Variants in VWF observed in about 807,000 individuals in gnomAD.
VWF encodes von Willebrand factor.
VWF carries 176 observed loss-of-function variants against 308.6 expected under a neutral mutation model. That is an observed-to-expected ratio of 0.57 (90% CI 0.50 to 0.65). The LOEUF is 0.65. Ranked by LOEUF, VWF falls within the 30% of genes least tolerant of loss-of-function variation. The pLI, the probability that VWF is intolerant of heterozygous loss-of-function variation, is 0.00. For missense variants in VWF, 3,146 were observed against 3,648.2 expected (o/e 0.86, Z 3.55); for synonymous variants, 1,385 against 1,443.4 (o/e 0.96, Z 0.92).
At chr12:6,081,521 G>A (rs1283993622) in intron 6 of VWF, among the ~76,000 whole-genome samples, 2 of 152,066 alleles carry the variant, frequency 1.3e-5, no homozygotes, top group Non-Finnish European at 2.9e-5. Context: ...TGTATTTTTA[G>A]TACAGACGGA....
rs760130928 is a variant in VWF, at chr12:6,075,428, G to GC, written c.780dup (p.Leu261AlafsTer42). The GC allele has an allele frequency of 6.2e-7, 1 of 1,614,140 alleles. No homozygotes were observed. The highest frequency in any genetic ancestry group is 8.5e-7 in the Non-Finnish European group (1 of 1,180,020). On this transcript the variant is annotated frameshift_variant, in exon 7 of 52. Transcript: ENST00000261405. LOFTEE classifies it high-confidence loss of function. This position sits in a 1 kb window ranked among gnomAD's most constrained non-coding sequence, Gnocchi z 4.7. ...AGGAGGGCAGGGCAGGCGCACTCCA[G>GC]CCCCCCAGCACACTCACACAAAGTC...
intron 6 of VWF, among the ~76,000 whole-genome samples, chr12:6,092,618 A>T (rs28853276): frequency 0.066 from 4,352 of 66,046 alleles, 237 homozygotes; most frequent in South Asian, 0.099. Flanking sequence ...AGTGAGTGAG[A>T]GTGTGTGTGT....
intron 6 of VWF, among the ~76,000 whole-genome samples, chr12:6,077,483 C>T (rs1235574700): frequency 1.3e-5 from 2 of 152,206 alleles, no homozygotes; most frequent in Non-Finnish European, 2.9e-5. Context: ...CCCCTTCTGC[C>T]GGGCGGGCAC....
At chr12:6,026,164 G>A in intron 22 of VWF, 118 bp from the exon 23 acceptor site, 2 of 1,466,906 alleles carry the variant, frequency 1.4e-6, no homozygotes, top group Non-Finnish European at 9.5e-7. Context: ...GGAAGAGGAG[G>A]AGGAGCGGGA....
At position 6,044,350 on chromosome 12, in the gene VWF, A is replaced by G; in HGVS notation, c.2383T>C (p.Tyr795His). 6.2e-7 allele frequency: 1 copy of G among 1,614,228 alleles called. No individual in the cohort carries two copies. Among genetic ancestry groups the G allele is most frequent in the Non-Finnish European group, 8.5e-7 (1 of 1,180,048 alleles). Residue 795 changes from tyrosine to histidine, a missense_variant, in exon 18 of 52, where the codon TAT becomes CAT. Physicochemically the swap from Tyr to His is moderately conservative, Grantham distance 83 (BLOSUM62 2). Coordinates refer to ENST00000261405, the MANE Select transcript of VWF (RefSeq NM_000552.5). ...CCCATGCTCATGCACTCCAGGTCAT[A>G]GTTCTGGCACGTTTTGGTACACTCG... ...GLECTKTCQNYDLECMSMGCV... is the reference protein window; with the variant it reads ...GLECTKTCQNHDLECMSMGCV...
intron 47 of VWF, 142 bp from the exon 48 acceptor site, chr12:5,953,736 C>T: frequency 1.4e-6 from 1 of 705,098 alleles, no homozygotes; most frequent in Admixed American, 2.0e-5. Flanking sequence ...CAACTCCAAC[C>T]AGCTTTTGTC....
intron 50 of VWF, among the ~76,000 whole-genome samples, chr12:5,950,893 C>T (rs925485910): frequency 2.6e-5 from 4 of 152,110 alleles, no homozygotes; most frequent in African/African-American, 9.7e-5. Flanking sequence ...CATTCTTAAA[C>T]CATTCAAATG....
chr12:6,073,473 A>G, intron 8 of VWF, 146 bp downstream of exon 8: 1 of 1,128,264 alleles, frequency 8.9e-7, no homozygotes, highest in Admixed American at 1.9e-5. Flanking sequence ...AATCCTGATC[A>G]CGCTGGACAA....
intron 38 of VWF, among the ~76,000 whole-genome samples, chr12:5,988,303 A>G (rs1170035105): frequency 1.3e-5 from 2 of 152,232 alleles, no homozygotes; most frequent in Non-Finnish European, 2.9e-5. Context: ...GGAAAAGGGA[A>G]GGACTAGGAA....
chr12:6,119,299 T>C (rs1945404814), intron 3 of VWF, among the ~76,000 whole-genome samples: 1 of 152,042 alleles, frequency 6.6e-6, no homozygotes, highest in African/African-American at 2.4e-5. Flanking sequence ...CCCCCTTCCA[T>C]TTCTACTGAG....
chr12:6,000,796 A>T (rs188819154), intron 34 of VWF, among the ~76,000 whole-genome samples: 11,328 of 129,888 alleles, frequency 0.087, 926 homozygotes, highest in East Asian at 0.4. Flanking sequence ...TGAGCCACAG[A>T]GCGAGACTCT....
At chr12:6,113,531 T>C (rs1945333735) in intron 3 of VWF, among the ~76,000 whole-genome samples, 1 of 152,200 alleles carries the variant, frequency 6.6e-6, no homozygotes, top group Non-Finnish European at 1.5e-5. Flanking sequence ...CCTGACCTCA[T>C]GATCTGCCTG....
At chr12:5,983,935 A>C (rs1283847797) in intron 40 of VWF, among the ~76,000 whole-genome samples, 2 of 151,954 alleles carry the variant, frequency 1.3e-5, no homozygotes, top group African/African-American at 4.8e-5. Context: ...TTAGATAGAG[A>C]TAGGACAGAT....
intron 43 of VWF, 82 bp from the exon 44 acceptor site, chr12:5,971,791 G>A: frequency 1.6e-6 from 2 of 1,238,982 alleles, no homozygotes; most frequent in Non-Finnish European, 2.4e-6. Flanking sequence ...TGCGTACTGA[G>A]CCCTGGGGTT....
chr12:6,008,197 C>G (rs1943951162), intron 34 of VWF, among the ~76,000 whole-genome samples: 1 of 141,680 alleles, frequency 7.1e-6, no homozygotes, highest in African/African-American at 2.7e-5. Flanking sequence ...TACCCTGATA[C>G]CAAAGTCAAA....
chr12:6,055,563 C>G (rs2136452617), intron 15 of VWF, among the ~76,000 whole-genome samples: 1 of 152,186 alleles, frequency 6.6e-6, no homozygotes, highest in East Asian at 1.9e-4. Context: ...CCCTTTCGTC[C>G]TTACTGTTGT....
chr12:6,101,226 C>T (rs1285433172), intron 5 of VWF, among the ~76,000 whole-genome samples: 2 of 152,048 alleles, frequency 1.3e-5, no homozygotes, highest in Non-Finnish European at 2.9e-5. Context: ...ATCCCCTTCT[C>T]CAGGAAAAAA....
chr12:6,068,866 GTA>G (rs1555199361), intron 10 of VWF, among the ~76,000 whole-genome samples: 45 of 128,528 alleles, frequency 3.5e-4, no homozygotes, highest in African/African-American at 1.0e-3. Flanking sequence ...GTGTGTGTGT[GTA>G]TGTGTGTGTG....
At chr12:5,966,495 T>C (rs1943406033) in intron 47 of VWF, among the ~76,000 whole-genome samples, 1 of 152,220 alleles carries the variant, frequency 6.6e-6, no homozygotes, top group Admixed American at 6.5e-5. Flanking sequence ...ACTTTGAGCA[T>C]GATACCTCTA....
Sources: gnomAD v4.1 joint callset for allele counts (sites outside exome capture counted in the v4.1 genomes callset) on GRCh38, gnomAD v4.1.1 for gene constraint, Gnocchi (gnomAD v3.1) non-coding constraint, MANE v1.5 for transcripts, NCBI Gene and HGNC (gene_info 2026-07-23, HGNC 2026-07-21) for gene names.